RGP1: variants seen among roughly 807,000 people sequenced by gnomAD.
The protein encoded by RGP1 is RAB6A-GEF complex partner protein 2.
RGP1 carries 28 observed loss-of-function variants against 44.5 expected under a neutral mutation model. The ratio of observed to expected loss-of-function variants is 0.63; its 90% confidence interval spans 0.47 to 0.86. The LOEUF (loss-of-function observed/expected upper bound fraction) is 0.86. RGP1 is among the 40% of genes least tolerant of loss of function. The probability of loss-of-function intolerance (pLI) is 0.00; values close to 1 mark genes in which losing one functional copy is unlikely to be tolerated. For missense variants in RGP1, 417 were observed against 490.7 expected (o/e 0.85, Z 1.42); for synonymous variants, 212 against 196.7 (o/e 1.08, Z -0.65).
At position 35,749,431 on chromosome 9, in the gene RGP1, G is replaced by A. The variant is rs1588033185; in HGVS notation, c.-20+23G>A. 1.7e-6 allele frequency: 1 copy of A among 582,412 alleles called. No homozygotes were observed. Among genetic ancestry groups the A allele is most frequent in the African/African-American group, 1.9e-5 (1 of 53,878 alleles). The allele number at this position is 582,412 out of a possible 1,614,324, so 36.1% of individuals were successfully genotyped here. On this transcript the variant is annotated intron_variant, in intron 1 of 8. Transcript: ENST00000378078. This position sits in a 1 kb window ranked among gnomAD's most constrained non-coding sequence, Gnocchi z 4.4. ...GAGGTGACTAGCGGCGGTGATCTTG[G>A]GCTGGGACGTGGAACTTTGAGGAAA...
Position 35,750,668 on chromosome 9 carries a change from C to T in RGP1, c.264C>T (p.Gly88=). 6.2e-7 allele frequency: 1 copy of T among 1,613,872 alleles called. No homozygotes were observed. The highest frequency in any genetic ancestry group is 8.5e-7 in the Non-Finnish European group (1 of 1,179,826). The change falls in exon 4 of 9, where the codon GGC becomes GGT. Residue 88 remains glycine (G), a synonymous_variant. Coordinates refer to ENST00000378078, the MANE Select transcript of RGP1 (RefSeq NM_001080496.3). The stretch of plus-strand genomic sequence containing the variant: ...TTTTACCTTTTTCAGGTGAGAGGGG[C>T]CAGTGTATCCTTTCTACTCCACCGA... ...TVFLPHRGER[G]QCILSTPPKI... is the part of the protein sequence containing the mutation.
chr9:35,761,393 C>T (rs1219047688), downstream of RGP1, among the ~76,000 whole-genome samples: 1 of 152,112 alleles, frequency 6.6e-6, no homozygotes, highest in East Asian at 1.9e-4. Flanking sequence ...TTTTTAGGGC[C>T]AGGTGCATGG....
chr9:35,789,801 G>A, the RGP1 span, among the ~76,000 whole-genome samples: 3 of 152,266 alleles, frequency 2.0e-5, no homozygotes, highest in African/African-American at 4.8e-5. Context: ...TATCTATAAA[G>A]AGCCTCTCCT....
chr9:35,783,472 T>C, the RGP1 span, among the ~76,000 whole-genome samples: 4 of 152,066 alleles, frequency 2.6e-5, no homozygotes, highest in African/African-American at 7.2e-5. Flanking sequence ...CTACCCCTCC[T>C]GCCTATGCTT....
At position 35,751,684 on chromosome 9, in the gene RGP1, C is replaced by T. The variant is rs149109089; in HGVS notation, c.692C>T (p.Ser231Phe). 7.1e-5 allele frequency: 114 copies of T among 1,613,862 alleles called. No homozygotes were observed. Among genetic ancestry groups the T allele is most frequent in the Admixed American group, 1.8e-4 (11 of 60,000 alleles). The part of the protein sequence containing the change: ...GKVGTFGIFK[S>F]VYRLGEDVVG... ...GTTGGGACGTTTGGCATCTTCAAATCTGTGTACAGACTTGGCGAGGACGTG... is the reference window on the plus strand; with the variant it reads ...GTTGGGACGTTTGGCATCTTCAAATTTGTGTACAGACTTGGCGAGGACGTG... Residue 231 changes from serine (S) to phenylalanine (F), a missense_variant, in exon 7 of 9, where the codon TCT (serine) becomes TTT (phenylalanine). By Grantham distance (155) the Ser-to-Phe change is radical. Transcript: ENST00000378078.
the RGP1 span, among the ~76,000 whole-genome samples, chr9:35,782,427 T>C: frequency 1.3e-5 from 2 of 152,070 alleles, no homozygotes; most frequent in Non-Finnish European, 2.9e-5. Context: ...AATCTAACTT[T>C]ATTATTACAA....
chr9:35,767,299 T>C, the RGP1 span, among the ~76,000 whole-genome samples: 1 of 150,864 alleles, frequency 6.6e-6, no homozygotes, highest in Non-Finnish European at 1.5e-5. Flanking sequence ...TTTTTTTTTT[T>C]TTTTTGCCGA....
chr9:35,774,952 T>C, the RGP1 span, among the ~76,000 whole-genome samples: 5 of 152,186 alleles, frequency 3.3e-5, no homozygotes, highest in African/African-American at 1.2e-4. Context: ...GTCTCGAGGA[T>C]TGGGAAGCAG....
chr9:35,753,538 G>A lies in RGP1; in HGVS notation c.*664G>A. 1.1e-6 allele frequency: 1 copy of A among 892,912 alleles called. No individual in the cohort carries two copies. The allele number at this position is 892,912 out of a possible 1,614,324, so 55.3% of individuals were successfully genotyped here. ...TTCACACTAGTGTTGGTCCCTTCAG[G>A]TTTGGCCCATCTTGTATTGCTCTTC... On this transcript the variant is annotated 3_prime_UTR_variant, in exon 9 of 9. Transcript: ENST00000378078. The surrounding 1 kb of genome is among the most constrained non-coding windows in gnomAD (Gnocchi z 4.2).
the RGP1 span, among the ~76,000 whole-genome samples, chr9:35,785,228 C>T: frequency 6.6e-6 from 1 of 152,130 alleles, no homozygotes; most frequent in African/African-American, 2.4e-5. Flanking sequence ...TAAGGAAGTT[C>T]AGGGTCTGGA....
At chr9:35,782,568 C>T in the RGP1 span, among the ~76,000 whole-genome samples, 1 of 152,040 alleles carries the variant, frequency 6.6e-6, no homozygotes, top group Non-Finnish European at 1.5e-5. Context: ...TGCTCAGTCT[C>T]CCAAGTAGCT....
In RGP1 at chr9:35,751,758, A is replaced by G. The variant is rs748811423; in HGVS notation, c.762+4A>G. 19 of 1,613,800 alleles carry G rather than the reference A, an allele frequency of 1.2e-5. No individual in the cohort carries two copies. The South Asian group carries it at 2.1e-4, about 18-fold the overall frequency. ...AGGAACCGTAGCTTGTTTGCAGGTA[A>G]GAAGGGAGCAGAGCTTCTTACCTGC... On this transcript the variant is annotated splice_donor_region_variant and intron_variant, in intron 7 of 8. Transcript: ENST00000378078.
chr9:35,768,915 G>A, the RGP1 span, among the ~76,000 whole-genome samples: 1 of 152,168 alleles, frequency 6.6e-6, no homozygotes, highest in Admixed American at 6.5e-5. Flanking sequence ...ACTGGTTTGG[G>A]GGCTTAAGAG....
the RGP1 span, among the ~76,000 whole-genome samples, chr9:35,767,782 A>G: frequency 6.6e-6 from 1 of 152,112 alleles, no homozygotes; most frequent in African/African-American, 2.4e-5. Context: ...ACTAGATAAT[A>G]GGAAAAGAAA....
At chr9:35,777,351 G>A in the RGP1 span, among the ~76,000 whole-genome samples, 6 of 150,844 alleles carry the variant, frequency 4.0e-5, no homozygotes, top group African/African-American at 1.5e-4. Flanking sequence ...GGATGGTCTC[G>A]ATCTCCTGAC....
At chr9:35,784,853 C>T in the RGP1 span, among the ~76,000 whole-genome samples, 2 of 152,166 alleles carry the variant, frequency 1.3e-5, no homozygotes, top group African/African-American at 4.8e-5. Flanking sequence ...ATCAGATCCT[C>T]CTGCCTTAGT....
the RGP1 span, among the ~76,000 whole-genome samples, chr9:35,767,053 G>T: frequency 6.6e-6 from 1 of 152,008 alleles, no homozygotes; most frequent in Non-Finnish European, 1.5e-5. Flanking sequence ...TTAGATTGTT[G>T]GTAATCTTCT....
Position 35,751,650 on chromosome 9 carries a change from C to T in RGP1, c.658C>T (p.Arg220Ter), listed in dbSNP as rs753886629. Residue 220 changes from arginine (R) to a stop codon, truncating the protein, a stop_gained, in exon 7 of 9, where the codon CGA becomes TGA. Transcript: ENST00000378078. LOFTEE classifies it high-confidence loss of function. ...SLHLYNISDG[R>*]GKVGTFGIFK... ...AGATCTATACAATATCAGTGATGGC[C>T]GAGGGAAAGTTGGGACGTTTGGCAT... The T allele has an allele frequency of 3.1e-6, 5 of 1,613,714 alleles. No homozygotes were observed. The highest frequency in any genetic ancestry group is 4.5e-5 in the East Asian group (2 of 44,892).
the RGP1 span, among the ~76,000 whole-genome samples, chr9:35,763,682 G>A: frequency 6.6e-6 from 1 of 152,086 alleles, no homozygotes; most frequent in African/African-American, 2.4e-5. Context: ...AGGAGTTCGA[G>A]ACCAGCCTGG....
Sources: gnomAD v4.1 joint callset for allele counts (sites outside exome capture counted in the v4.1 genomes callset) on GRCh38, gnomAD v4.1.1 for gene constraint, Gnocchi (gnomAD v3.1) non-coding constraint, MANE v1.5 for transcripts, NCBI Gene and HGNC (gene_info 2026-07-23, HGNC 2026-07-21) for gene names.